Variants in IQSEC1 observed in about 807,000 individuals in gnomAD.
IQSEC1 encodes IQ motif and SEC7 domain-containing protein 1.
In IQSEC1, 31 loss-of-function variants were observed where a neutral mutation model predicts 91.0. The ratio of observed to expected loss-of-function variants is 0.34; its 90% CI spans 0.26 to 0.46. The LOEUF is 0.46. IQSEC1 is among the 20% of genes least tolerant of loss of function. IQSEC1 has a pLI of 1.00. For synonymous variants in IQSEC1, 699 were observed against 662.6 expected (o/e 1.05, Z -0.84); for missense variants, 1,388 against 1,575.6 (o/e 0.88, Z 2.02).
intron 1 of IQSEC1, among the ~76,000 whole-genome samples, chr3:12,943,934 C>T (rs779963639): frequency 1.1e-4 from 16 of 152,192 alleles, no homozygotes; most frequent in Non-Finnish European, 1.6e-4. Flanking sequence ...CTCTGGCCTC[C>T]GGGGTCAGGC....
chr3:12,909,280 C>T lies in IQSEC1; in HGVS notation c.2571G>A (p.Arg857=). ...ATGAGGCCTGGTACTCACACTCTAT[C>T]CTGTGCTTCTCCATCTCTTGGACTT... ...IAEVQEMEKH[R]IESELEKQKG... The change falls in exon 11 of 14, where the codon AGG becomes AGA. Residue 857 remains arginine (R), a synonymous_variant. Coordinates refer to ENST00000613206, the MANE Select transcript of IQSEC1 (RefSeq NM_001134382.3). This position sits in a 1 kb window ranked among gnomAD's most constrained non-coding sequence, Gnocchi z 4.9. 4 of 1,614,156 alleles carry T rather than the reference C, an allele frequency of 2.5e-6. No individual in the cohort carries two copies. The highest frequency in any genetic ancestry group is 2.5e-6 in the Non-Finnish European group (3 of 1,179,988).
chr3:13,030,243 A>G (rs1054851829), intron 1 of IQSEC1, among the ~76,000 whole-genome samples: 2 of 152,160 alleles, frequency 1.3e-5, no homozygotes, highest in Admixed American at 1.3e-4. Context: ...GATTACGGGC[A>G]TGCACCACCA....
At chr3:12,977,121 C>T (rs1020049650) in intron 1 of IQSEC1, among the ~76,000 whole-genome samples, 6 of 152,198 alleles carry the variant, frequency 3.9e-5, no homozygotes, top group African/African-American at 1.2e-4. Context: ...CTGAGGCAGG[C>T]AGATTGCTTG....
At chr3:13,004,571 G>C (rs1017042213) in intron 1 of IQSEC1, among the ~76,000 whole-genome samples, 2 of 152,182 alleles carry the variant, frequency 1.3e-5, no homozygotes, top group East Asian at 3.8e-4. Flanking sequence ...AAGTCAAACT[G>C]TCTCCACACA....
chr3:12,965,312 C>T (rs1179308652), intron 1 of IQSEC1, among the ~76,000 whole-genome samples: 1 of 152,224 alleles, frequency 6.6e-6, no homozygotes, highest in African/African-American at 2.4e-5. Flanking sequence ...GGGGGGTCCC[C>T]TGAGGTTTCT....
At chr3:13,025,023 A>G (rs1703559058) in intron 1 of IQSEC1, among the ~76,000 whole-genome samples, 1 of 152,250 alleles carries the variant, frequency 6.6e-6, no homozygotes, top group African/African-American at 2.4e-5. Flanking sequence ...TCTGCAGGAC[A>G]GCATGGCCAG....
rs752280630 is a variant in IQSEC1, at chr3:13,152,988, C to T, written c.302+11116G>A. On this transcript the variant is annotated intron_variant, in intron 2 of 15. Coordinates refer to the IQSEC1 transcript ENST00000648114. ...CTGTAGGGGCACCTTCCAGTGAATACCTCTGGGCTGTCCCCTCTCCTCCCT... is the reference window on the plus strand; with the variant it reads ...CTGTAGGGGCACCTTCCAGTGAATATCTCTGGGCTGTCCCCTCTCCTCCCT... 9.2e-5 allele frequency among the ~76,000 whole-genome samples: 14 copies of T among 152,226 alleles called. No homozygotes were observed. The South Asian group carries it at 1.0e-3, about 11-fold the overall frequency.
intron 2 of IQSEC1, among the ~76,000 whole-genome samples, chr3:13,129,743 C>T (rs1019593261): frequency 1.3e-5 from 2 of 149,418 alleles, no homozygotes; most frequent in African/African-American, 2.5e-5. Flanking sequence ...TTGCAAGCTC[C>T]GCCTCCCGGA....
chr3:12,978,437 A>G lies in IQSEC1; in HGVS notation c.24-36572T>C, dbSNP rs146126286. The stretch of plus-strand genomic sequence containing the variant: ...CACAGGGCCGGGCGCGGTGGCTCAC[A>G]CCTGTAATCCCAGCACTTTGGGAGA... On this transcript the variant is annotated intron_variant, in intron 1 of 13. Coordinates refer to ENST00000613206, the MANE Select transcript of IQSEC1 (RefSeq NM_001134382.3). 6.8e-3 allele frequency among the ~76,000 whole-genome samples: 1,034 copies of G among 152,218 alleles called. 16 individuals carry two copies. Among genetic ancestry groups the G allele is most frequent in the African/African-American group, 0.024 (977 of 41,540 alleles).
chr3:13,103,338 C>T lies in IQSEC1; in HGVS notation c.303-55816G>A, dbSNP rs1706094987. ...CAGCCACCTTTTTAATTAACCGCCC[C>T]CGCCAACACACCCGAGGCACCAATA... On this transcript the variant is annotated intron_variant, in intron 2 of 15. Transcript: ENST00000648114. This position sits in a 1 kb window ranked among gnomAD's most constrained non-coding sequence, Gnocchi z 4.1. Among the ~76,000 whole-genome samples the T allele has an allele frequency of 6.6e-6, 1 of 152,228 alleles. No homozygotes were observed. Among genetic ancestry groups the T allele is most frequent in the Non-Finnish European group, 1.5e-5 (1 of 68,010 alleles).
chr3:13,043,952 GCA>G (rs1343402320), intron 1 of IQSEC1, among the ~76,000 whole-genome samples: 3 of 152,312 alleles, frequency 2.0e-5, no homozygotes, highest in Middle Eastern at 6.8e-3. Context: ...CCAGAGGTGT[GCA>G]CACAGAGTCC....
At chr3:13,079,593 G>C (rs1446986361) in intron 2 of IQSEC1, among the ~76,000 whole-genome samples, 2 of 152,202 alleles carry the variant, frequency 1.3e-5, no homozygotes, top group African/African-American at 4.8e-5. Context: ...GCTTACCCCT[G>C]AGAGATAGAG....
At chr3:13,001,616 A>G (rs921700555) in intron 1 of IQSEC1, among the ~76,000 whole-genome samples, 1 of 152,240 alleles carries the variant, frequency 6.6e-6, no homozygotes, top group African/African-American at 2.4e-5. Context: ...TTTTGTTAAA[A>G]TGGGGGAGGA....
At chr3:12,990,883 T>TA (rs1430546503) in intron 1 of IQSEC1, among the ~76,000 whole-genome samples, 1 of 152,232 alleles carries the variant, frequency 6.6e-6, no homozygotes, top group Non-Finnish European at 1.5e-5. Flanking sequence ...AAAGCCCCTG[T>TA]GATCAGGTCT....
chr3:13,163,059 C>T (rs1707207247), intron 2 of IQSEC1, among the ~76,000 whole-genome samples: 1 of 152,122 alleles, frequency 6.6e-6, no homozygotes, highest in South Asian at 2.1e-4. Flanking sequence ...GAGACCCTGC[C>T]TCTCACTCCC....
chr3:13,031,456 A>G (rs1259037688), intron 1 of IQSEC1, among the ~76,000 whole-genome samples: 1 of 152,236 alleles, frequency 6.6e-6, no homozygotes, highest in Non-Finnish European at 1.5e-5. Context: ...AGATGAGGAA[A>G]CCGAGGTCCA....
chr3:13,218,969 G>A (rs867282600), intron 1 of IQSEC1, among the ~76,000 whole-genome samples: 48 of 152,230 alleles, frequency 3.2e-4, no homozygotes, highest in Middle Eastern at 3.4e-3. Context: ...CACCCACCAA[G>A]TCAGCTGCAC....
intron 1 of IQSEC1, among the ~76,000 whole-genome samples, chr3:13,048,213 C>CA (rs1262897424): frequency 3.9e-5 from 6 of 152,204 alleles, no homozygotes; most frequent in Admixed American, 3.9e-4. Context: ...GCAGATCTCT[C>CA]ACAGGGGCAA....
chr3:13,250,993 G>C (rs1467113306), intron 1 of IQSEC1, among the ~76,000 whole-genome samples: 1 of 152,186 alleles, frequency 6.6e-6, no homozygotes, highest in African/African-American at 2.4e-5. Flanking sequence ...TAAAGGCAGA[G>C]TCCTCCAGGG....
Sources: allele counts gnomAD v4.1 joint callset (sites outside exome capture counted in the v4.1 genomes callset), GRCh38; gene constraint gnomAD v4.1.1; non-coding constraint Gnocchi (gnomAD v3.1); transcripts MANE v1.5; gene names NCBI Gene and HGNC (gene_info 2026-07-23, HGNC 2026-07-21).